The following CACNA1E variants were observed in gnomAD, a reference collection of about 807,000 sequenced individuals.
CACNA1E encodes the protein calcium voltage-gated channel subunit alpha1 E.
Under a neutral mutation model 259.2 loss-of-function variants are expected in CACNA1E, and 40 were observed. The ratio of observed to expected loss-of-function variants is 0.15; its 90% CI spans 0.12 to 0.20. The LOEUF is 0.20. Among genes scored for constraint, CACNA1E ranks in the 10% least tolerant of loss-of-function variants. The pLI is 1.00. For missense variants in CACNA1E, 1,874 were observed against 3,040.1 expected (o/e 0.62, Z 9.02); for synonymous variants, 1,104 against 1,138.5 (o/e 0.97, Z 0.61).
intron 6 of CACNA1E, among the ~76,000 whole-genome samples, chr1:181,585,428 T>C (rs1348932978): frequency 6.6e-6 from 1 of 152,246 alleles, no homozygotes; most frequent in Admixed American, 6.5e-5. Flanking sequence ...ATGTGCCAAA[T>C]ACTGTTCTAG....
chr1:181,467,200 G>A (rs759375393), intron 2 of CACNA1E, among the ~76,000 whole-genome samples: 13 of 152,224 alleles, frequency 8.5e-5, no homozygotes, highest in African/African-American at 1.2e-4. Context: ...CAAGGAGATG[G>A]TTCTCAAATT....
chr1:181,353,701 C>T (rs2804699), intron 1 of CACNA1E, among the ~76,000 whole-genome samples: 70,946 of 151,922 alleles, frequency 0.47, 18,188 homozygotes, highest in African/African-American at 0.68. Flanking sequence ...AACCATTCTT[C>T]CCAATGCATC....
chr1:181,797,735 G>A (rs1302421573), intron 47 of CACNA1E, among the ~76,000 whole-genome samples: 1 of 152,180 alleles, frequency 6.6e-6, no homozygotes, highest in Non-Finnish European at 1.5e-5. Flanking sequence ...TTTCCCTTGG[G>A]AATAGGTGAG....
intron 2 of CACNA1E, among the ~76,000 whole-genome samples, chr1:181,461,397 C>T (rs770761063): frequency 2.0e-5 from 3 of 151,594 alleles, no homozygotes; most frequent in Admixed American, 6.6e-5. Flanking sequence ...AAAAATTAGC[C>T]GGGCGTGGTG....
intron 6 of CACNA1E, among the ~76,000 whole-genome samples, chr1:181,596,900 T>C (rs1462479561): frequency 2.6e-5 from 4 of 151,742 alleles, no homozygotes; most frequent in South Asian, 4.2e-4. Flanking sequence ...GGTTTTGGGG[T>C]AGGGGCCTAG....
chr1:181,583,103 T>TACACACACACAC (rs34193608), intron 6 of CACNA1E, among the ~76,000 whole-genome samples: 11 of 144,986 alleles, frequency 7.6e-5, no homozygotes, highest in Non-Finnish European at 1.1e-4. Flanking sequence ...GGACTGTTCC[T>TACACACACACAC]ACACACACAC....
At chr1:181,621,082 A>G (rs1655681346) in intron 6 of CACNA1E, among the ~76,000 whole-genome samples, 1 of 152,224 alleles carries the variant, frequency 6.6e-6, no homozygotes, top group Non-Finnish European at 1.5e-5. Context: ...TATTTAGGAA[A>G]TATTTATCGT....
intron 1 of CACNA1E, among the ~76,000 whole-genome samples, chr1:181,326,165 G>T (rs996892393): frequency 6.6e-6 from 1 of 152,174 alleles, no homozygotes; most frequent in Non-Finnish European, 1.5e-5. Flanking sequence ...TATATTGTAT[G>T]TACAGCTTTT....
At chr1:181,587,711 G>T (rs910606701) in intron 6 of CACNA1E, among the ~76,000 whole-genome samples, 1 of 151,884 alleles carries the variant, frequency 6.6e-6, no homozygotes, top group Non-Finnish European at 1.5e-5. Flanking sequence ...GTGAAACCCC[G>T]TCTCTACTAA....
intron 7 of CACNA1E, among the ~76,000 whole-genome samples, chr1:181,668,272 A>T (rs1648445684): frequency 6.6e-6 from 1 of 152,234 alleles, no homozygotes; most frequent in African/African-American, 2.4e-5. Flanking sequence ...ACCTTTCTTC[A>T]CTTAGCATAA....
chr1:181,384,582 C>CAGATGAGGAA, intron 1 of CACNA1E, among the ~76,000 whole-genome samples: 1 of 152,290 alleles, frequency 6.6e-6, no homozygotes, highest in African/African-American at 2.4e-5. Flanking sequence ...TATTGGCTTC[C>CAGATGAGGAA]TCATCTTTAA....
intron 2 of CACNA1E, among the ~76,000 whole-genome samples, chr1:181,459,848 C>T (rs1357749412): frequency 6.6e-6 from 1 of 152,228 alleles, no homozygotes; most frequent in East Asian, 1.9e-4. Flanking sequence ...AGGAAATTAA[C>T]TCCCTGAGTG....
intron 2 of CACNA1E, among the ~76,000 whole-genome samples, chr1:181,461,368 C>T (rs1355530874): frequency 1.3e-5 from 2 of 151,040 alleles, no homozygotes; most frequent in African/African-American, 4.9e-5. Context: ...GGTGAAACCC[C>T]CTCTCTACTA....
chr1:181,802,255 G>C lies in CACNA1E; in HGVS notation c.*3421G>C, dbSNP rs761437939. On this transcript the variant is annotated 3_prime_UTR_variant, in exon 48 of 48. Coordinates refer to ENST00000367573, the MANE Select transcript of CACNA1E (RefSeq NM_001205293.3). ...GCTGAAGAATCTGTTTTTCTTCTGG[G>C]CTTCACTTGTAGTTCCTATTCAATG... The C allele has an allele frequency of 7.2e-5, 11 of 152,368 alleles. No homozygotes were observed. Among genetic ancestry groups the C allele is most frequent in the Middle Eastern group, 3.4e-3 (1 of 294 alleles). 9.4% of individuals were successfully genotyped at this position (152,368 alleles called of 1,614,324 possible). A position where few individuals can be genotyped will look rare whatever the true frequency, so the allele number is the denominator to read the frequency against.
intron 6 of CACNA1E, among the ~76,000 whole-genome samples, chr1:181,614,585 A>C (rs1336211844): frequency 6.6e-6 from 1 of 152,216 alleles, no homozygotes; most frequent in Non-Finnish European, 1.5e-5. Context: ...TAGCAACAGG[A>C]GGTGGCTACA....
intron 3 of CACNA1E, among the ~76,000 whole-genome samples, chr1:181,555,480 C>T (rs940038121): frequency 3.3e-5 from 5 of 152,226 alleles, no homozygotes; most frequent in Non-Finnish European, 7.3e-5. Flanking sequence ...CACCCTCCCC[C>T]AGCCTCAGAA....
chr1:181,458,361 G>T (rs1661592292), intron 2 of CACNA1E, among the ~76,000 whole-genome samples: 1 of 152,146 alleles, frequency 6.6e-6, no homozygotes, highest in Non-Finnish European at 1.5e-5. Context: ...CCACCAGAAG[G>T]CAAAAACAGA....
Position 181,794,990 on chromosome 1 carries a change from C to T in CACNA1E, c.6154C>T (p.Arg2052Trp), listed in dbSNP as rs768597410. 8.1e-6 allele frequency: 13 copies of T among 1,613,872 alleles called. No individual in the cohort carries two copies. The highest frequency in any genetic ancestry group is 2.2e-5 in the East Asian group (1 of 44,882). The part of the protein sequence containing the change: ...SSENTYKSRR[R>W]SYHSSLRLSA... Reference sequence around the variant, plus strand: ...TGAAAATACCTACAAGTCCCGTCGCCGGAGTTACCACTCCTCCTTGCGGCT... The same window carrying T: ...TGAAAATACCTACAAGTCCCGTCGCTGGAGTTACCACTCCTCCTTGCGGCT... The change falls in exon 46 of 48, where the codon CGG becomes TGG. Residue 2052 changes from arginine to tryptophan, a missense_variant. Physicochemically the swap from Arg to Trp is moderately radical, Grantham distance 101. Coordinates refer to ENST00000367573, the MANE Select transcript of CACNA1E (RefSeq NM_001205293.3).
At chr1:181,487,645 A>G (rs1663959461) in intron 1 of CACNA1E, among the ~76,000 whole-genome samples, 1 of 152,212 alleles carries the variant, frequency 6.6e-6, no homozygotes, top group South Asian at 2.1e-4. Flanking sequence ...CTTCTCTGGC[A>G]GTTGGCTGTT....
Sources: gnomAD v4.1 joint callset for allele counts (sites outside exome capture counted in the v4.1 genomes callset) on GRCh38, gnomAD v4.1.1 for gene constraint, MANE v1.5 for transcripts, NCBI Gene and HGNC (gene_info 2026-07-23, HGNC 2026-07-21) for gene names.